The following PNPLA7 variants were observed in gnomAD, a reference collection of about 807,000 sequenced individuals.
The protein encoded by PNPLA7 is patatin-like phospholipase domain-containing protein 7.
Under a neutral mutation model 161.7 loss-of-function variants are expected in PNPLA7, and 153 were observed. The observed-to-expected ratio is 0.95, with a 90% CI of 0.83 to 1.08. PNPLA7 has a LOEUF of 1.08. PNPLA7 is among the 50% of genes least tolerant of loss of function. The pLI is 0.00. For missense variants in PNPLA7, 1,739 were observed against 1,856.6 expected, an observed-to-expected ratio of 0.94 and a Z score of 1.16; for synonymous variants, 809 against 782.1, an observed-to-expected ratio of 1.03 and a Z score of -0.57.
intron 11 of PNPLA7, 90 bp from the exon 12 acceptor site, chr9:137,515,609 C>T: frequency 7.1e-7 from 1 of 1,406,784 alleles, no homozygotes; most frequent in Non-Finnish European, 9.3e-7. Flanking sequence ...GGAGCAGGGT[C>T]CCCACAGTGC....
chr9:137,535,204 T>C (rs775479881), intron 8 of PNPLA7, among the ~76,000 whole-genome samples: 15 of 152,210 alleles, frequency 9.9e-5, no homozygotes, highest in Non-Finnish European at 1.5e-4. Context: ...CCTCTTGGGC[T>C]CCACATTATT....
chr9:137,544,192 C>T (rs1179910736), intron 4 of PNPLA7, among the ~76,000 whole-genome samples: 1 of 152,256 alleles, frequency 6.6e-6, no homozygotes, highest in Admixed American at 6.5e-5. Context: ...GACCTTCCCC[C>T]CCAACTTCCC....
chr9:137,511,279 C>T (rs906970292), intron 12 of PNPLA7, among the ~76,000 whole-genome samples: 1 of 150,306 alleles, frequency 6.7e-6, no homozygotes, highest in African/African-American at 2.5e-5. Context: ...CTGGTGGTAG[C>T]GCCAGCACCT....
intron 11 of PNPLA7, among the ~76,000 whole-genome samples, chr9:137,518,581 C>A (rs1167461418): frequency 1.4e-5 from 1 of 71,174 alleles, no homozygotes; most frequent in African/African-American, 6.2e-5. Flanking sequence ...ACTCCATCCC[C>A]CACTCACTCA....
At chr9:137,505,931 A>G (rs1028121485) in intron 13 of PNPLA7, 52 bp downstream of exon 13, 3 of 1,559,906 alleles carry the variant, frequency 1.9e-6, no homozygotes, top group Non-Finnish European at 2.6e-6. Context: ...CCAGCAAGCC[A>G]CGGAGAGGGT....
In PNPLA7 at chr9:137,547,183, G is replaced by A. The variant is rs138221884; in HGVS notation, c.193+126C>T. On this transcript the variant is annotated intron_variant, in intron 3 of 34. Transcript: ENST00000406427. This position sits in a 1 kb window ranked among gnomAD's most constrained non-coding sequence, Gnocchi z 4.6. Reference sequence around the variant, plus strand: ...CGACGGGCTCAGCCTGAGCCCAGACGGGCCATCAGATTCTAGCCAAAGCCA... The same window carrying A: ...CGACGGGCTCAGCCTGAGCCCAGACAGGCCATCAGATTCTAGCCAAAGCCA... 297 of 969,324 alleles carry A rather than the reference G, an allele frequency of 3.1e-4. No individual in the cohort carries two copies. Among genetic ancestry groups the A allele is most frequent in the African/African-American group, 2.2e-3 (137 of 61,940 alleles). The allele number at this position is 969,324 out of a possible 1,614,324, so 60.0% of individuals were successfully genotyped here. A position where few individuals can be genotyped will look rare whatever the true frequency, so the allele number is the denominator to read the frequency against.
chr9:137,479,835 T>C (rs939031234), intron 23 of PNPLA7: 14 of 985,408 alleles, frequency 1.4e-5, no homozygotes, highest in Non-Finnish European at 1.7e-5. Context: ...GGGGCCAGCG[T>C]CCCGAAGGTG....
At chr9:137,480,517 G>C (rs781205377) in intron 22 of PNPLA7, 37 bp from the exon 23 acceptor site, 3 of 1,576,180 alleles carry the variant, frequency 1.9e-6, no homozygotes, top group Non-Finnish European at 2.6e-6. Flanking sequence ...CTACTCCGCA[G>C]GGGCCTGGCA....
intron 12 of PNPLA7, chr9:137,509,908 G>C: frequency 3.0e-6 from 1 of 331,618 alleles, no homozygotes; most frequent in South Asian, 2.4e-5. Context: ...TCATTAGTTG[G>C]TAGTAATTAC....
intron 1 of PNPLA7, among the ~76,000 whole-genome samples, chr9:137,548,379 C>G (rs975862646): frequency 4.6e-5 from 7 of 152,182 alleles, no homozygotes; most frequent in African/African-American, 1.7e-4. Flanking sequence ...CTGAAAGTTT[C>G]TACACAAGAG....
chr9:137,542,836 C>T (rs1836282158), intron 6 of PNPLA7, 35 bp from the exon 7 acceptor site: 1 of 1,588,774 alleles, frequency 6.3e-7, no homozygotes, highest in East Asian at 2.3e-5. Context: ...GGACGCCCTT[C>T]CAGGGGAGGA....
At position 137,495,734 on chromosome 9, in the gene PNPLA7, C is replaced by T. The variant is rs181565487; in HGVS notation, c.2014-588G>A. ...CTGGGATTACAGGCGTGAGCCGCCG[C>T]GCCCGGCCTGGAGAACTCCTCTTTT... is the stretch of plus-strand genomic sequence containing the variant. On this transcript the variant is annotated intron_variant, in intron 18 of 34. Coordinates refer to ENST00000406427, the MANE Select transcript of PNPLA7 (RefSeq NM_001098537.3). Among the ~76,000 whole-genome samples, 592 of 152,356 alleles carry T rather than the reference C, an allele frequency of 3.9e-3. 3 individuals are homozygous for T. The highest frequency in any genetic ancestry group is 0.014 in the Middle Eastern group (4 of 294).
At chr9:137,487,787 C>T (rs1050129811) in intron 20 of PNPLA7, among the ~76,000 whole-genome samples, 3 of 152,226 alleles carry the variant, frequency 2.0e-5, no homozygotes, top group African/African-American at 4.8e-5. Context: ...AGCTGGCCCC[C>T]GAGAGGCCGT....
At position 137,543,591 on chromosome 9, in the gene PNPLA7, C is replaced by G. The variant is rs375370039; in HGVS notation, c.366-19G>C. ...CAGAATCCTACAAGGCAGAGACACACTAGCCTTGAGCAGACCAGGCGGGTT... is the reference window on the plus strand; with the variant it reads ...CAGAATCCTACAAGGCAGAGACACAGTAGCCTTGAGCAGACCAGGCGGGTT... On this transcript the variant is annotated intron_variant, in intron 5 of 34. Coordinates refer to ENST00000406427, the MANE Select transcript of PNPLA7 (RefSeq NM_001098537.3). The surrounding 1 kb of genome is among the most constrained non-coding windows in gnomAD (Gnocchi z 6.9). 3.7e-6 allele frequency: 6 copies of G among 1,608,594 alleles called. No individual in the cohort carries two copies. Among genetic ancestry groups the G allele is most frequent in the Middle Eastern group, 1.7e-4 (1 of 6,056 alleles).
intron 18 of PNPLA7, among the ~76,000 whole-genome samples, chr9:137,496,709 C>T (rs2132256769): frequency 6.6e-6 from 1 of 152,190 alleles, no homozygotes; most frequent in Non-Finnish European, 1.5e-5. Context: ...GAAATTCCGT[C>T]TCAAAAAACA....
intron 12 of PNPLA7, among the ~76,000 whole-genome samples, chr9:137,508,477 G>A (rs1364468148): frequency 6.6e-6 from 1 of 151,950 alleles, no homozygotes; most frequent in Non-Finnish European, 1.5e-5. Context: ...TGAGGCAGGA[G>A]AATTGCTTGA....
intron 25 of PNPLA7, among the ~76,000 whole-genome samples, chr9:137,475,732 C>T (rs747292706): frequency 6.6e-5 from 10 of 151,792 alleles, no homozygotes; most frequent in African/African-American, 9.7e-5. Context: ...GAAGAAAAAA[C>T]GGCCCTGTGA....
In PNPLA7 at chr9:137,550,327, CACTG is replaced by C; in HGVS notation, c.-134_-131del. On this transcript the variant is annotated 5_prime_UTR_variant, in exon 1 of 35. An upstream open reading frame in the 5' UTR loses its in-frame stop. Transcript: ENST00000406427. The stretch of plus-strand genomic sequence containing the variant: ...GTTCCTTTCAAGTCAAATTATGTTT[CACTG>C]AAAGGAAAATCCTGCTGAAAAAGTC... 1 of 999,468 alleles carries C rather than the reference CACTG, an allele frequency of 1.0e-6. No homozygotes were observed. Among genetic ancestry groups the C allele is most frequent in the Non-Finnish European group, 1.6e-6 (1 of 638,114 alleles). 61.9% of individuals were successfully genotyped at this position (999,468 alleles called of 1,614,324 possible). A position where few individuals can be genotyped will look rare whatever the true frequency, so the allele number is the denominator to read the frequency against.
In PNPLA7 at chr9:137,501,721, A is replaced by T. The variant is rs772734062; in HGVS notation, c.1480T>A (p.Ser494Thr). The T allele has an allele frequency of 6.2e-7, 1 of 1,612,392 alleles. No homozygotes were observed. Among genetic ancestry groups the T allele is most frequent in the African/African-American group, 1.3e-5 (1 of 74,932 alleles). ...AGCGCCACCCGGCCATCCAACAGAG[A>T]TGAGTCCTAAAAACAGAGCAGACTT... ...LLTLMKLEDS[S>T]LLDGRVALLH... Residue 494 changes from serine (S) to threonine (T), a missense_variant, in exon 15 of 35, where the codon TCT becomes ACT. Ser to Thr is a moderately conservative substitution (Grantham distance 58). This residue lies in a region of PNPLA7 where 481 missense variants were observed against 450.0 expected (regional missense o/e 1.07). Transcript: ENST00000406427.
Sources: allele counts gnomAD v4.1 joint callset (sites outside exome capture counted in the v4.1 genomes callset), GRCh38; gene constraint gnomAD v4.1.1; regional missense constraint gnomAD v4.1.1; non-coding constraint Gnocchi (gnomAD v3.1); transcripts MANE v1.5; gene names NCBI Gene and HGNC (gene_info 2026-07-23, HGNC 2026-07-21).